Variants in LIMCH1 observed in about 807,000 individuals in gnomAD.
LIMCH1 encodes the protein LIM and calponin homology domains 1, also known as LIM and calponin homology domains-containing protein 1.
In LIMCH1, 113 loss-of-function variants were observed where a neutral mutation model predicts 176.5. The observed-to-expected ratio is 0.64, with a 90% CI of 0.55 to 0.75. LIMCH1 has a LOEUF of 0.75. Among genes scored for constraint, LIMCH1 ranks in the 30% least tolerant of loss-of-function variants. The pLI is 0.00. For missense variants in LIMCH1, 1,674 were observed against 1,814.9 expected, an observed-to-expected ratio of 0.92 and a Z score of 1.41; for synonymous variants, 619 against 645.9, an observed-to-expected ratio of 0.96 and a Z score of 0.63.
rs1182727688 is a variant in LIMCH1, at chr4:41,367,682, TCC to T, written c.96+6747_96+6748del. On this transcript the variant is annotated intron_variant, in intron 1 of 26. Transcript: ENST00000313860. ...AGTGAAACCCTGTCTCTACTAAAAA[TCC>T]AAAAAAAAAAAAAAAAAAAAAAGGA... Among the ~76,000 whole-genome samples, 178 of 60,826 alleles carry T rather than the reference TCC, an allele frequency of 2.9e-3. 4 individuals carry two copies. The highest frequency in any genetic ancestry group is 0.019 in the South Asian group (26 of 1,404). 39.9% of individuals were successfully genotyped at this position (60,826 alleles called of 152,430 possible).
intron 1 of LIMCH1, chr4:41,494,465 A>G: frequency 9.8e-7 from 1 of 1,022,854 alleles, no homozygotes; most frequent in South Asian, 1.3e-5. Flanking sequence ...ACACACACAC[A>G]TATATATATG....
intron 18 of LIMCH1, among the ~76,000 whole-genome samples, chr4:41,656,871 A>G (rs2094478647): frequency 6.6e-6 from 1 of 152,186 alleles, no homozygotes; most frequent in Admixed American, 6.5e-5. Flanking sequence ...CATGTGAGAA[A>G]CAGGCCCAGC....
At chr4:41,383,036 C>A (rs530058336) in intron 1 of LIMCH1, among the ~76,000 whole-genome samples, 13 of 152,240 alleles carry the variant, frequency 8.5e-5, no homozygotes, top group Non-Finnish European at 1.3e-4. Flanking sequence ...ATCGATTCAC[C>A]TGCTTCAGCC....
chr4:41,651,701 C>G (rs1402429533), intron 18 of LIMCH1, among the ~76,000 whole-genome samples: 2 of 152,076 alleles, frequency 1.3e-5, no homozygotes, highest in Admixed American at 6.6e-5. Context: ...ATAAAAGGGC[C>G]TTTTTCTTAT....
intron 1 of LIMCH1, among the ~76,000 whole-genome samples, chr4:41,594,756 G>A (rs2088398915): frequency 6.6e-6 from 1 of 152,130 alleles, no homozygotes; most frequent in Non-Finnish European, 1.5e-5. Context: ...CAGGCTGCAC[G>A]CTGAACACAG....
intron 1 of LIMCH1, among the ~76,000 whole-genome samples, chr4:41,576,475 A>C (rs530815018): frequency 6.6e-6 from 1 of 152,200 alleles, no homozygotes; most frequent in Non-Finnish European, 1.5e-5. Flanking sequence ...ATACACTCCC[A>C]TTTATGTGAA....
chr4:41,575,044 C>CCA (rs142796280), intron 1 of LIMCH1, among the ~76,000 whole-genome samples: 107 of 150,988 alleles, frequency 7.1e-4, no homozygotes, highest in Admixed American at 5.1e-3. Context: ...AATCACACAC[C>CCA]CACACACACA....
intron 1 of LIMCH1, among the ~76,000 whole-genome samples, chr4:41,576,708 A>C (rs918134717): frequency 6.6e-6 from 1 of 152,176 alleles, no homozygotes; most frequent in Non-Finnish European, 1.5e-5. Flanking sequence ...TGATTTGGCC[A>C]GTAAATTTTG....
chr4:41,666,862 G>T (rs973651153), intron 21 of LIMCH1, among the ~76,000 whole-genome samples, 196 bp downstream of exon 21: 3 of 152,168 alleles, frequency 2.0e-5, no homozygotes, highest in Non-Finnish European at 4.4e-5. Context: ...AGCAGACCAG[G>T]AACCCTAGCT....
At chr4:41,670,848 G>C (rs544571878) in intron 21 of LIMCH1, 6 of 1,529,146 alleles carry the variant, frequency 3.9e-6, no homozygotes, top group South Asian at 3.6e-5. Flanking sequence ...ATGTTGGGGC[G>C]ATCAATGATG....
At chr4:41,638,400 T>C (rs559477250) in intron 13 of LIMCH1, among the ~76,000 whole-genome samples, 1 of 152,334 alleles carries the variant, frequency 6.6e-6, no homozygotes, top group South Asian at 2.1e-4. Flanking sequence ...TGATTGGGGT[T>C]CTGGTTGGAG....
At chr4:41,687,995 G>C (rs1722281530) in intron 29 of LIMCH1, 78 bp downstream of exon 29, 9 of 1,144,036 alleles carry the variant, frequency 7.9e-6, no homozygotes, top group Non-Finnish European at 1.2e-5. Flanking sequence ...AACTGAATTA[G>C]TGCTTGCCAA....
chr4:41,691,003 C>T (rs1725126589), intron 30 of LIMCH1, among the ~76,000 whole-genome samples: 1 of 152,172 alleles, frequency 6.6e-6, no homozygotes, highest in Admixed American at 6.5e-5. Flanking sequence ...TCTGAGAACA[C>T]TGCATTCTGT....
chr4:41,675,962 C>T (rs1376341569), intron 22 of LIMCH1, among the ~76,000 whole-genome samples: 1 of 152,162 alleles, frequency 6.6e-6, no homozygotes, highest in Non-Finnish European at 1.5e-5. Context: ...GTTTTTATAG[C>T]GTGGCAAACA....
rs374137464 is a variant in LIMCH1 at position 41,650,558 on chromosome 4, A to G, written c.2986A>G (p.Ser996Gly). ...ACTGGAGCTGAAACAAGACAACGGT[A>G]GCATCGAGATCAACATAAAGAAGCC... Reference protein sequence around the residue: ...SPLELKQDNGSIEINIKKPNS... With the variant: ...SPLELKQDNGGIEINIKKPNS... Residue 996 changes from serine (S) to glycine (G), a missense_variant, in exon 18 of 32, where the codon AGC becomes GGC. By Grantham distance (56) the Ser-to-Gly change is moderately conservative (BLOSUM62 0). Coordinates refer to ENST00000503057, the MANE Select transcript of LIMCH1 (RefSeq NM_001330672.2). 8 of 1,614,016 alleles carry G rather than the reference A, an allele frequency of 5.0e-6. No homozygotes were observed. The Admixed American group carries it at 5.0e-5, about 10-fold the overall frequency.
intron 13 of LIMCH1, among the ~76,000 whole-genome samples, chr4:41,634,384 G>A (rs1260127474): frequency 6.6e-6 from 1 of 152,090 alleles, no homozygotes; most frequent in Non-Finnish European, 1.5e-5. Flanking sequence ...TTAAATGTAT[G>A]GTAAGCCTAC....
rs185256969 is a variant in LIMCH1 at position 41,395,342 on chromosome 4, C to T, written c.96+34406C>T. On this transcript the variant is annotated intron_variant, in intron 1 of 26. Transcript: ENST00000313860. ...CCACCTCCCGGGTTCAAGCAGTTCT[C>T]CTGTCTCACCCTCCCAAGTAGCTGG... Among the ~76,000 whole-genome samples the T allele has an allele frequency of 2.7e-5, 4 of 150,858 alleles. 1 individual carries two copies. The highest frequency in any genetic ancestry group is 4.4e-5 in the Non-Finnish European group (3 of 67,888).
chr4:41,575,439 G>GA (rs1242255149), intron 1 of LIMCH1, among the ~76,000 whole-genome samples: 54 of 152,182 alleles, frequency 3.5e-4, no homozygotes, highest in Non-Finnish European at 5.9e-5. Context: ...TATTCTTTTG[G>GA]AAATAATTTT....
At chr4:41,441,958 C>T (rs1314869956) in intron 1 of LIMCH1, among the ~76,000 whole-genome samples, 1 of 152,006 alleles carries the variant, frequency 6.6e-6, no homozygotes, top group Non-Finnish European at 1.5e-5. Flanking sequence ...CTCTCTCTGT[C>T]CCTAAACTCT....
Sources: allele counts gnomAD v4.1 joint callset (sites outside exome capture counted in the v4.1 genomes callset), GRCh38; gene constraint gnomAD v4.1.1; transcripts MANE v1.5; gene names NCBI Gene and HGNC (gene_info 2026-07-23, HGNC 2026-07-21).